Variants in MAP7D1 observed in about 807,000 individuals in gnomAD.
MAP7D1 encodes the protein MAP7 domain-containing protein 1.
Under a neutral mutation model 97.5 loss-of-function variants are expected in MAP7D1, and 30 were observed. That is an observed-to-expected ratio of 0.31 (90% CI 0.23 to 0.42). The LOEUF (loss-of-function observed/expected upper bound fraction) is 0.42. Ranked by LOEUF, MAP7D1 falls within the 10% of genes least tolerant of loss-of-function variation. The pLI is 1.00. For synonymous variants in MAP7D1, 536 were observed against 477.1 expected, an observed-to-expected ratio of 1.12 and a Z score of -1.61; for missense variants, 1,184 against 1,179.5, an observed-to-expected ratio of 1.00 and a Z score of -0.06.
chr1:36,156,920 C>T (rs1158707600), intron 1 of MAP7D1, among the ~76,000 whole-genome samples: 2 of 152,156 alleles, frequency 1.3e-5, no homozygotes, highest in African/African-American at 4.8e-5. Context: ...ATACCGACGC[C>T]TCGGCCTTAG....
Position 36,176,859 on chromosome 1 carries a change from C to G in MAP7D1, c.1379+17C>G. ...TGAGCTCAGGTGGGCGCGGGCGGTG[C>G]GAGGGACCCTGCCCCTCACCGGGTC... On this transcript the variant is annotated intron_variant, in intron 8 of 16. Coordinates refer to ENST00000474796, the MANE Select transcript of MAP7D1 (RefSeq NM_001388490.1). The surrounding 1 kb of genome is among the most constrained non-coding windows in gnomAD (Gnocchi z 6.1). 1 of 1,569,306 alleles carries G rather than the reference C, an allele frequency of 6.4e-7. No individual in the cohort carries two copies. Among genetic ancestry groups the G allele is most frequent in the South Asian group, 1.2e-5 (1 of 86,648 alleles).
intron 4 of MAP7D1, 129 bp from the exon 5 acceptor site, chr1:36,173,235 A>G (rs1020454860): frequency 1.0e-5 from 7 of 687,958 alleles, no homozygotes; most frequent in African/African-American, 3.6e-5. Context: ...GTTACCTGCA[A>G]TGAGTCAGGA....
At position 36,180,545 on chromosome 1, in the gene MAP7D1, C is replaced by G; in HGVS notation, c.*287C>G. On this transcript the variant is annotated 3_prime_UTR_variant, in exon 17 of 17. Coordinates refer to ENST00000474796, the MANE Select transcript of MAP7D1 (RefSeq NM_001388490.1). The stretch of plus-strand genomic sequence containing the variant: ...GCCTCTTCCCTTGGGGAGGGGCCAC[C>G]TGTAGTATTTGCCTTGATTTGGTGG... 1 of 508,744 alleles carries G rather than the reference C, an allele frequency of 2.0e-6. No homozygotes were observed. Among genetic ancestry groups the G allele is most frequent in the Non-Finnish European group, 3.6e-6 (1 of 280,442 alleles). 31.5% of individuals were successfully genotyped at this position (508,744 alleles called of 1,614,324 possible).
chr1:36,179,040 G>T lies in MAP7D1; in HGVS notation c.2130+15G>T, dbSNP rs1644675818. 3.9e-6 allele frequency: 6 copies of T among 1,549,958 alleles called. No individual in the cohort carries two copies. The highest frequency in any genetic ancestry group is 5.2e-6 in the Non-Finnish European group (6 of 1,146,888). ...AGCGCAGAAAGGTGTGCGGACCTGG[G>T]CGGGGATTTGTGGGCGGGGCCTGGG... is the stretch of plus-strand genomic sequence containing the variant. On this transcript the variant is annotated intron_variant, in intron 12 of 16. Coordinates refer to ENST00000474796, the MANE Select transcript of MAP7D1 (RefSeq NM_001388490.1).
chr1:36,162,380 G>A (rs1644424323), intron 1 of MAP7D1, among the ~76,000 whole-genome samples: 1 of 152,200 alleles, frequency 6.6e-6, no homozygotes, highest in Admixed American at 6.5e-5. Context: ...GTCTCCCTGG[G>A]GGAACCACGG....
intron 6 of MAP7D1, among the ~76,000 whole-genome samples, chr1:36,175,980 G>A (rs1570158544): frequency 6.6e-6 from 1 of 152,334 alleles, no homozygotes; most frequent in Admixed American, 6.5e-5. Context: ...CTCATCCGAT[G>A]CAGGATGTTG....
At position 36,171,247 on chromosome 1, in the gene MAP7D1, C is replaced by A. The variant is rs1384509886; in HGVS notation, c.323C>A (p.Pro108His). The change falls in exon 2 of 17, where the codon CCT becomes CAT. Residue 108 changes from proline (P) to histidine (H), a missense_variant. Transcript: ENST00000474796. ...PPAMGPRDAR[P>H]PRRSSQPSPT... ...GCCATGGGCCCACGGGATGCCAGAC[C>A]TCCTCGAAGGAGCAGCCAGCCATCT... 6.2e-6 allele frequency: 10 copies of A among 1,604,456 alleles called. No homozygotes were observed. Among genetic ancestry groups the A allele is most frequent in the Non-Finnish European group, 7.7e-6 (9 of 1,175,372 alleles).
chr1:36,166,418 C>G lies in MAP7D1; in HGVS notation c.47-4553C>G, dbSNP rs549918264. ...TTTTTTTTTTTTTTTGAGACAGAGT[C>G]TCCTTCTGTCACCCAGGCTGGAGTG... On this transcript the variant is annotated intron_variant, in intron 1 of 16. Coordinates refer to ENST00000474796, the MANE Select transcript of MAP7D1 (RefSeq NM_001388490.1). Among the ~76,000 whole-genome samples the G allele has an allele frequency of 3.1e-4, 43 of 139,884 alleles. No homozygotes were observed. The East Asian group carries it at 8.7e-3, about 28-fold the overall frequency. The allele number at this position is 139,884 out of a possible 152,430, so 91.8% of individuals were successfully genotyped here. A position where few individuals can be genotyped will look rare whatever the true frequency, so the allele number is the denominator to read the frequency against.
chr1:36,162,188 C>T (rs1644422272), intron 1 of MAP7D1, among the ~76,000 whole-genome samples: 2 of 152,154 alleles, frequency 1.3e-5, no homozygotes, highest in African/African-American at 2.4e-5. Flanking sequence ...GCACCCCCCA[C>T]GCCACAACCA....
At chr1:36,167,800 G>A (rs1644491269) in intron 1 of MAP7D1, among the ~76,000 whole-genome samples, 1 of 152,212 alleles carries the variant, frequency 6.6e-6, no homozygotes, top group Non-Finnish European at 1.5e-5. Flanking sequence ...AGCGAGTCAG[G>A]ACCTTGCTGG....
At chr1:36,168,054 T>C (rs1032090511) in intron 1 of MAP7D1, among the ~76,000 whole-genome samples, 1 of 152,122 alleles carries the variant, frequency 6.6e-6, no homozygotes, top group Non-Finnish European at 1.5e-5. Flanking sequence ...CCCAGCACTT[T>C]GGGAGGCTGA....
chr1:36,178,901 C>T lies in MAP7D1; in HGVS notation c.2026-20C>T, dbSNP rs1372113839. ...GAAGGCTGGAGTCAAGTGCCCCACG[C>T]TCATGGGGGTCTTTGGCAGAAAGAG... is the stretch of plus-strand genomic sequence containing the variant. On this transcript the variant is annotated intron_variant, in intron 11 of 16. Transcript: ENST00000474796. 1.3e-6 allele frequency: 2 copies of T among 1,551,356 alleles called. No individual in the cohort carries two copies. The highest frequency in any genetic ancestry group is 2.0e-5 in the Admixed American group (1 of 51,032).
At position 36,177,685 on chromosome 1, in the gene MAP7D1, A is replaced by G. The variant is rs564183009; in HGVS notation, c.1380-188A>G. 1.0e-5 allele frequency: 9 copies of G among 891,336 alleles called. No homozygotes were observed. In the East Asian group the frequency reaches 2.4e-4, roughly 24 times the overall value. 55.2% of individuals were successfully genotyped at this position (891,336 alleles called of 1,614,324 possible). A position where few individuals can be genotyped will look rare whatever the true frequency, so the allele number is the denominator to read the frequency against. On this transcript the variant is annotated intron_variant, in intron 8 of 16. Transcript: ENST00000474796. ...GGACATACAATAATCAAAGAATCCC[A>G]CAGAAACATGTCATTACAAACTGGG...
chr1:36,179,830 T>C (rs202106294), intron 15 of MAP7D1, 44 bp from the exon 16 acceptor site: 2 of 1,580,640 alleles, frequency 1.3e-6, no homozygotes, highest in Non-Finnish European at 1.7e-6. Context: ...GGCCTGGGCT[T>C]TCCTGGGAGG....
In MAP7D1 at chr1:36,176,973, C is replaced by T; in HGVS notation, c.1379+131C>T. 1.2e-6 allele frequency: 1 copy of T among 815,230 alleles called. No homozygotes were observed. The highest frequency in any genetic ancestry group is 1.7e-5 in the African/African-American group (1 of 57,660). 50.5% of individuals were successfully genotyped at this position (815,230 alleles called of 1,614,324 possible). ...CAGATTCTCTCTGTTTTGTTTGAGA[C>T]AGGATCTCCCTCTGTCACCCAGGCT... On this transcript the variant is annotated intron_variant, in intron 8 of 16. Coordinates refer to ENST00000474796, the MANE Select transcript of MAP7D1 (RefSeq NM_001388490.1). This position sits in a 1 kb window ranked among gnomAD's most constrained non-coding sequence, Gnocchi z 6.1.
intron 15 of MAP7D1, 21 bp from the exon 16 acceptor site, chr1:36,179,853 C>A: frequency 6.2e-7 from 1 of 1,603,068 alleles, no homozygotes. Flanking sequence ...AGGTGCTGAG[C>A]CTTGGCCTCT....
intron 1 of MAP7D1, among the ~76,000 whole-genome samples, chr1:36,166,190 A>T (rs943789464): frequency 6.6e-6 from 1 of 152,198 alleles, no homozygotes; most frequent in African/African-American, 2.4e-5. Flanking sequence ...CCTCAGTACA[A>T]AGCCCTGAGG....
rs2124245925 is a variant in MAP7D1 at position 36,176,981 on chromosome 1, C to CAA, written c.1379+139_1379+140insAA. ...CTCTGTTTTGTTTGAGACAGGATCT[C>CAA]CCTCTGTCACCCAGGCTGGAGTGCA... is the stretch of plus-strand genomic sequence containing the variant. On this transcript the variant is annotated intron_variant, in intron 8 of 16. Transcript: ENST00000474796. This position sits in a 1 kb window ranked among gnomAD's most constrained non-coding sequence, Gnocchi z 6.1. 1 of 767,246 alleles carries CAA rather than the reference C, an allele frequency of 1.3e-6. No homozygotes were observed. Among genetic ancestry groups the CAA allele is most frequent in the East Asian group, 2.8e-5 (1 of 36,362 alleles). 47.5% of individuals were successfully genotyped at this position (767,246 alleles called of 1,614,324 possible).
At chr1:36,177,726 G>T in intron 8 of MAP7D1, 147 bp from the exon 9 acceptor site, 1 of 1,228,242 alleles carries the variant, frequency 8.1e-7, no homozygotes. Context: ...TGCTCTAAAA[G>T]GGAATGGTGT....
Sources: gnomAD v4.1 joint callset for allele counts (sites outside exome capture counted in the v4.1 genomes callset) on GRCh38, gnomAD v4.1.1 for gene constraint, Gnocchi (gnomAD v3.1) non-coding constraint, MANE v1.5 for transcripts, NCBI Gene and HGNC (gene_info 2026-07-23, HGNC 2026-07-21) for gene names.